The following LGSN variants were observed in gnomAD, a reference collection of about 807,000 sequenced individuals.
The protein encoded by LGSN is lengsin, lens protein with glutamine synthetase domain, also known as lengsin.
A neutral mutation model predicts 19.5 loss-of-function variants in LGSN; 21 were observed. The observed-to-expected ratio is 1.07, with a 90% confidence interval of 0.76 to 1.55. LGSN has a LOEUF of 1.55. Among genes scored for constraint, LGSN ranks in the 40% most tolerant of loss-of-function variants. LGSN has a pLI of 0.00. For synonymous variants in LGSN, 257 were observed against 215.6 expected (o/e 1.19, Z -1.68); for missense variants, 673 against 608.5 (o/e 1.11, Z -1.12).
chr6:63,354,002 G>T, the LGSN span, among the ~76,000 whole-genome samples: 2 of 151,940 alleles, frequency 1.3e-5, no homozygotes, highest in African/African-American at 4.8e-5. Context: ...AACTCAAAAC[G>T]GATTAGACTT....
chr6:63,298,757 C>T (rs995174502), intron 1 of LGSN, among the ~76,000 whole-genome samples: 1 of 152,160 alleles, frequency 6.6e-6, no homozygotes. Context: ...AAATAAACAA[C>T]ACCAACACCA....
At chr6:63,296,276 T>A (rs967431033) in intron 1 of LGSN, among the ~76,000 whole-genome samples, 1 of 151,868 alleles carries the variant, frequency 6.6e-6, no homozygotes, top group African/African-American at 2.4e-5. Context: ...TAACCTTATA[T>A]TTGGATAATA....
intron 1 of LGSN, among the ~76,000 whole-genome samples, chr6:63,312,209 G>A (rs1470451165): frequency 6.6e-6 from 1 of 152,114 alleles, no homozygotes; most frequent in East Asian, 1.9e-4. Flanking sequence ...ATTGCCAGAT[G>A]CTTAGGTCAA....
the LGSN span, among the ~76,000 whole-genome samples, chr6:63,509,828 C>G: frequency 6.6e-6 from 1 of 152,212 alleles, no homozygotes; most frequent in Non-Finnish European, 1.5e-5. Flanking sequence ...GGCCAAGGCC[C>G]CGGGTTAGTC....
chr6:63,298,638 G>C (rs1019584452), intron 1 of LGSN, among the ~76,000 whole-genome samples: 1 of 152,114 alleles, frequency 6.6e-6, no homozygotes, highest in Admixed American at 6.5e-5. Flanking sequence ...CTCCACTTTT[G>C]TCTATCCCAT....
chr6:63,442,860 C>G, the LGSN span, among the ~76,000 whole-genome samples: 8 of 152,224 alleles, frequency 5.3e-5, no homozygotes, highest in Admixed American at 6.5e-5. Flanking sequence ...TAAAAGTTCT[C>G]CAAATCCCCA....
intron 2 of LGSN, among the ~76,000 whole-genome samples, chr6:63,288,233 AT>A (rs1252653370): frequency 2.5e-5 from 3 of 119,734 alleles, no homozygotes; most frequent in African/African-American, 6.0e-5. Flanking sequence ...TCTCAAAAAA[AT>A]AAATAAATAA....
chr6:63,434,852 A>C, the LGSN span, among the ~76,000 whole-genome samples: 6 of 152,216 alleles, frequency 3.9e-5, no homozygotes, highest in African/African-American at 1.4e-4. Context: ...CACAGTGAAG[A>C]AAGAGGAAAG....
chr6:63,312,626 T>C (rs981288902), intron 1 of LGSN, among the ~76,000 whole-genome samples: 2 of 152,214 alleles, frequency 1.3e-5, no homozygotes, highest in Admixed American at 6.5e-5. Context: ...CAAGTATACA[T>C]TTAAGTGTCC....
At chr6:63,382,848 A>T in the LGSN span, among the ~76,000 whole-genome samples, 46 of 152,354 alleles carry the variant, frequency 3.0e-4, no homozygotes, top group Middle Eastern at 3.4e-3. Flanking sequence ...TACATATATA[A>T]TAAGAATTAC....
chr6:63,458,477 C>T, the LGSN span, among the ~76,000 whole-genome samples: 1 of 152,016 alleles, frequency 6.6e-6, no homozygotes, highest in Admixed American at 6.6e-5. Context: ...ACATTGTTAC[C>T]GTGTTTATAT....
At chr6:63,435,219 A>G in the LGSN span, among the ~76,000 whole-genome samples, 1 of 152,212 alleles carries the variant, frequency 6.6e-6, no homozygotes, top group African/African-American at 2.4e-5. Context: ...ATTAGACAAC[A>G]AAATGAGATT....
chr6:63,388,422 G>A, the LGSN span, among the ~76,000 whole-genome samples: 1 of 152,108 alleles, frequency 6.6e-6, no homozygotes, highest in African/African-American at 2.4e-5. Flanking sequence ...ACCATATTTA[G>A]AGATAGCATC....
At chr6:63,435,542 A>C in the LGSN span, among the ~76,000 whole-genome samples, 1 of 151,006 alleles carries the variant, frequency 6.6e-6, no homozygotes, top group Non-Finnish European at 1.5e-5. Context: ...AAGGTCTGCT[A>C]TCCATAAAAC....
the LGSN span, among the ~76,000 whole-genome samples, chr6:63,503,679 G>T: frequency 2.0e-5 from 3 of 152,132 alleles, no homozygotes; most frequent in African/African-American, 7.2e-5. Context: ...CTCTGGGAGG[G>T]CGAGGCTGGT....
upstream of LGSN, among the ~76,000 whole-genome samples, chr6:63,320,516 C>CA (rs1192127351): frequency 6.6e-6 from 1 of 152,042 alleles, no homozygotes; most frequent in Admixed American, 6.6e-5. Context: ...TTAGCTTTTC[C>CA]AATTCTCCGA....
rs1767098166 is a variant in LGSN, at chr6:63,276,061, G to GCCTTGTGCCCTGT, written c.*3959_*3960insACAGGGCACAAGG. 6.6e-6 allele frequency: 1 copy of GCCTTGTGCCCTGT among 152,190 alleles called. No homozygotes were observed. The highest frequency in any genetic ancestry group is 2.4e-5 in the African/African-American group (1 of 41,448). The allele number at this position is 152,190 out of a possible 1,614,324, so 9.4% of individuals were successfully genotyped here. On this transcript the variant is annotated 3_prime_UTR_variant, in exon 4 of 4. Transcript: ENST00000370657. Reference sequence around the variant, plus strand: ...GCATGAGAAGAGCTTTAACAGGGAAGGCACTGTGCACATAGGTAATGTTTA... The same window carrying GCCTTGTGCCCTGT: ...GCATGAGAAGAGCTTTAACAGGGAAGCCTTGTGCCCTGTGCACTGTGCACATAGGTAATGTTTA...
chr6:63,332,787 G>C, the LGSN span, among the ~76,000 whole-genome samples: 1 of 152,104 alleles, frequency 6.6e-6, no homozygotes, highest in African/African-American at 2.4e-5. Flanking sequence ...ATAGGCAATG[G>C]TCTCACTGCT....
chr6:63,549,455 C>T, the LGSN span: 8 of 795,784 alleles, frequency 1.0e-5, no homozygotes, highest in East Asian at 1.0e-4. Context: ...TGCTTCTTCA[C>T]GACAGCAGGG....
Sources: allele counts gnomAD v4.1 joint callset (sites outside exome capture counted in the v4.1 genomes callset), GRCh38; gene constraint gnomAD v4.1.1; transcripts MANE v1.5; gene names NCBI Gene and HGNC (gene_info 2026-07-23, HGNC 2026-07-21).